Variants in KCNIP4 observed in about 807,000 individuals in gnomAD.
KCNIP4 encodes Kv channel-interacting protein 4.
Under a neutral mutation model 34.0 loss-of-function variants are expected in KCNIP4, and 12 were observed. The observed-to-expected ratio is 0.35, with a 90% CI of 0.23 to 0.57. The LOEUF is 0.57. Among genes scored for constraint, KCNIP4 ranks in the 20% least tolerant of loss-of-function variants. The pLI is 0.83. For missense variants in KCNIP4, 238 were observed against 311.7 expected (o/e 0.76, Z 1.78); for synonymous variants, 124 against 102.2 (o/e 1.21, Z -1.29).
intron 1 of KCNIP4, among the ~76,000 whole-genome samples, chr4:21,214,353 T>C (rs1477353403): frequency 6.6e-6 from 1 of 152,168 alleles, no homozygotes; most frequent in African/African-American, 2.4e-5. Flanking sequence ...GGTATACCTT[T>C]CTTTTGTTGT....
chr4:21,098,452 A>T (rs1747651788), intron 1 of KCNIP4, among the ~76,000 whole-genome samples: 1 of 152,194 alleles, frequency 6.6e-6, no homozygotes. Context: ...TGGTGACTTT[A>T]AATTGAAGCC....
intron 1 of KCNIP4, among the ~76,000 whole-genome samples, chr4:21,376,303 C>T (rs897343159): frequency 4.6e-5 from 7 of 152,268 alleles, no homozygotes; most frequent in Middle Eastern, 3.4e-3. Context: ...TTTCCATTTA[C>T]TCCCTTCAAG....
At chr4:21,948,454 C>T in intron 1 of KCNIP4, 117 bp downstream of exon 1, 1 of 1,148,460 alleles carries the variant, frequency 8.7e-7, no homozygotes, top group Non-Finnish European at 1.2e-6. Context: ...GTGACTGTGT[C>T]TCATGCAGCG....
chr4:20,930,457 A>AT (rs761326527), intron 1 of KCNIP4, among the ~76,000 whole-genome samples: 4 of 152,090 alleles, frequency 2.6e-5, no homozygotes, highest in Admixed American at 6.5e-5. Flanking sequence ...CTTGGAGATG[A>AT]TTTTTGGATA....
rs531079831 is a variant in KCNIP4, at chr4:20,744,764, T to G, written c.429+4898A>C. On this transcript the variant is annotated intron_variant, in intron 5 of 8. Transcript: ENST00000382152. The stretch of plus-strand genomic sequence containing the variant: ...CACATGTACCCTAGAACTTAAAGAA[T>G]AATAATAATAAAAATATAAAATAAA... Among the ~76,000 whole-genome samples, 53 of 150,538 alleles carry G rather than the reference T, an allele frequency of 3.5e-4. No homozygotes were observed. In the Middle Eastern group the frequency reaches 0.01, roughly 29 times the overall value.
intron 1 of KCNIP4, among the ~76,000 whole-genome samples, chr4:21,183,559 G>A (rs1447646397): frequency 1.3e-5 from 2 of 150,124 alleles, no homozygotes; most frequent in East Asian, 3.9e-4. Flanking sequence ...CTGCACCTCT[G>A]CATAATGGCT....
At chr4:21,536,471 A>G (rs1737174169) in intron 1 of KCNIP4, among the ~76,000 whole-genome samples, 1 of 151,780 alleles carries the variant, frequency 6.6e-6, no homozygotes, top group Non-Finnish European at 1.5e-5. Flanking sequence ...GTTTACATAT[A>G]TTACCTCATT....
intron 1 of KCNIP4, among the ~76,000 whole-genome samples, chr4:21,017,968 T>C (rs569522757): frequency 4.0e-4 from 61 of 152,340 alleles, no homozygotes; most frequent in African/African-American, 1.5e-3. Flanking sequence ...TGATGTGGTG[T>C]TTATATATTT....
intron 3 of KCNIP4, among the ~76,000 whole-genome samples, chr4:20,765,019 C>T (rs1185817438): frequency 6.6e-6 from 1 of 152,280 alleles, no homozygotes; most frequent in East Asian, 1.9e-4. Context: ...GAGATGAAGT[C>T]ACTTGTTTGA....
rs1443358027 is a variant in KCNIP4 at position 20,752,473 on chromosome 4, G to A, written c.359-2741C>T. The stretch of plus-strand genomic sequence containing the variant: ...TTAGCTATTATTATTTCCTAGGCAA[G>A]CCACTTTTATTTCAACTACCTTAAA... On this transcript the variant is annotated intron_variant, in intron 4 of 8. Coordinates refer to ENST00000382152, the MANE Select transcript of KCNIP4 (RefSeq NM_025221.6). 2.6e-5 allele frequency: 4 copies of A among 152,126 alleles called. No homozygotes were observed. The East Asian group carries it at 5.8e-4, about 22-fold the overall frequency. The allele number at this position is 152,126 out of a possible 1,614,324, so 9.4% of individuals were successfully genotyped here.
intron 1 of KCNIP4, chr4:21,843,520 G>T (rs1299500156): frequency 6.6e-6 from 1 of 151,988 alleles, no homozygotes; most frequent in Non-Finnish European, 1.5e-5. Context: ...CTTGAAGTGG[G>T]TCATAAGACC....
intron 1 of KCNIP4, among the ~76,000 whole-genome samples, chr4:21,411,980 G>A (rs1724549904): frequency 6.6e-6 from 1 of 152,186 alleles, no homozygotes; most frequent in African/African-American, 2.4e-5. Context: ...GGAAGAGGAA[G>A]AGCTACAGTG....
At chr4:21,442,499 G>T (rs1432817802) in intron 1 of KCNIP4, among the ~76,000 whole-genome samples, 2 of 152,186 alleles carry the variant, frequency 1.3e-5, no homozygotes, top group Non-Finnish European at 2.9e-5. Context: ...GATAATGATT[G>T]CTGCATTGCT....
chr4:21,291,913 AAGAAAGAAAGAAAGAAAGAAAG>A (rs1763530819), intron 1 of KCNIP4, among the ~76,000 whole-genome samples: 1 of 85,430 alleles, frequency 1.2e-5, no homozygotes. Flanking sequence ...GAAAGAAAGA[AAGAAAGAAAGAAAGAAAGAAAG>A]AAAAAAAAAG....
chr4:21,415,490 G>A (rs549952425), intron 1 of KCNIP4, among the ~76,000 whole-genome samples: 1 of 151,142 alleles, frequency 6.6e-6, no homozygotes, highest in East Asian at 2.0e-4. Context: ...TCAGGAGTTC[G>A]AGACCAGCCT....
At chr4:20,896,915 C>T (rs188846112) in intron 1 of KCNIP4, among the ~76,000 whole-genome samples, 85 of 151,788 alleles carry the variant, frequency 5.6e-4, no homozygotes, top group African/African-American at 1.9e-3. Context: ...ACTTGTAGTG[C>T]CTTCTCATTA....
At chr4:21,718,969 C>T (rs868768353) in intron 1 of KCNIP4, 1 of 152,178 alleles carries the variant, frequency 6.6e-6, no homozygotes, top group Non-Finnish European at 1.5e-5. Flanking sequence ...AAATAATGTG[C>T]ACTGCATTTG....
chr4:21,939,556 T>C (rs1032286703), intron 1 of KCNIP4, among the ~76,000 whole-genome samples: 3 of 152,168 alleles, frequency 2.0e-5, no homozygotes, highest in African/African-American at 4.8e-5. Context: ...TGTTTTATAC[T>C]TGTCCCCAAG....
chr4:20,740,448 C>A (rs897746160), intron 5 of KCNIP4, among the ~76,000 whole-genome samples: 3 of 152,116 alleles, frequency 2.0e-5, no homozygotes. Context: ...GAATTTTCAA[C>A]CCAGAATTTC....
Sources: allele counts gnomAD v4.1 joint callset (sites outside exome capture counted in the v4.1 genomes callset), GRCh38; gene constraint gnomAD v4.1.1; transcripts MANE v1.5; gene names NCBI Gene and HGNC (gene_info 2026-07-23, HGNC 2026-07-21).